Variants in MGLL observed in about 807,000 individuals in gnomAD.
MGLL encodes monoglyceride lipase, also known as lysophospholipase homolog.
A neutral mutation model predicts 29.1 loss-of-function variants in MGLL; 7 were observed. The ratio of observed to expected loss-of-function variants is 0.24; its 90% CI spans 0.14 to 0.45. MGLL has a LOEUF of 0.45. Among genes scored for constraint, MGLL ranks in the 20% least tolerant of loss-of-function variants. The pLI is 0.99. For missense variants in MGLL, 356 were observed against 413.6 expected (o/e 0.86, Z 1.21); for synonymous variants, 148 against 168.3 (o/e 0.88, Z 0.93).
chr3:127,694,648 G>A (rs1452321423), intron 7 of MGLL, among the ~76,000 whole-genome samples: 7 of 152,208 alleles, frequency 4.6e-5, no homozygotes, highest in Non-Finnish European at 8.8e-5. Context: ...ACGTGTCCTT[G>A]GAGCTTGGAC....
chr3:127,787,051 T>G (rs546724637), intron 2 of MGLL, among the ~76,000 whole-genome samples: 1 of 152,332 alleles, frequency 6.6e-6, no homozygotes, highest in South Asian at 2.1e-4. Context: ...TGTGTGCAAG[T>G]GCACTGAGGC....
chr3:127,803,946 G>C (rs1416952911), intron 2 of MGLL, among the ~76,000 whole-genome samples: 1 of 152,154 alleles, frequency 6.6e-6, no homozygotes, highest in Non-Finnish European at 1.5e-5. Flanking sequence ...CCAGTGCAGA[G>C]CTGCAATACA....
intron 2 of MGLL, among the ~76,000 whole-genome samples, chr3:127,785,159 G>A (rs1245103841): frequency 6.6e-6 from 1 of 152,022 alleles, no homozygotes; most frequent in Non-Finnish European, 1.5e-5. Flanking sequence ...CTCACCCCCT[G>A]TGAGCACACC....
chr3:127,817,139 AG>A (rs775659503), intron 2 of MGLL, among the ~76,000 whole-genome samples: 15 of 152,264 alleles, frequency 9.9e-5, no homozygotes, highest in Non-Finnish European at 1.6e-4. Flanking sequence ...CTAGAAGGCA[AG>A]GCCAGTAAGG....
chr3:127,749,738 CGAG>C (rs1289020053), intron 3 of MGLL, among the ~76,000 whole-genome samples: 4 of 152,108 alleles, frequency 2.6e-5, no homozygotes, highest in Non-Finnish European at 5.9e-5. Context: ...AAATCTAAAG[CGAG>C]TCTGACCACT....
At chr3:127,780,863 T>C (rs2077112552) in intron 3 of MGLL, among the ~76,000 whole-genome samples, 1 of 152,246 alleles carries the variant, frequency 6.6e-6, no homozygotes, top group Non-Finnish European at 1.5e-5. Context: ...AATTTTACAT[T>C]GAAGCTGTGG....
intron 2 of MGLL, among the ~76,000 whole-genome samples, chr3:127,785,143 C>T (rs1185267518): frequency 6.6e-6 from 1 of 152,164 alleles, no homozygotes; most frequent in Non-Finnish European, 1.5e-5. Flanking sequence ...TTTCCAGGTG[C>T]TTCACCTCAC....
intron 2 of MGLL, among the ~76,000 whole-genome samples, chr3:127,820,038 T>C (rs1302753407): frequency 6.6e-6 from 1 of 152,214 alleles, no homozygotes; most frequent in Non-Finnish European, 1.5e-5. Context: ...TACATGCTCA[T>C]GGTTCTGTTG....
Position 127,761,225 on chromosome 3 carries a change from G to C in MGLL, c.262+20564C>G, listed in dbSNP as rs1357081370. Among the ~76,000 whole-genome samples, 1 of 152,242 alleles carries C rather than the reference G, an allele frequency of 6.6e-6. No homozygotes were observed. The highest frequency in any genetic ancestry group is 1.9e-4 in the East Asian group (1 of 5,198). On this transcript the variant is annotated intron_variant, in intron 3 of 7. Coordinates refer to ENST00000265052, the MANE Select transcript of MGLL (RefSeq NM_007283.7). This position sits in a 1 kb window ranked among gnomAD's most constrained non-coding sequence, Gnocchi z 4.6. ...CCATCCGGACCCTTCGCACTATCAA[G>C]GGGCCCACCGCCTGGGAGGGATTTC...
intron 3 of MGLL, among the ~76,000 whole-genome samples, chr3:127,762,143 C>T (rs1475429819): frequency 1.3e-5 from 2 of 152,220 alleles, no homozygotes; most frequent in African/African-American, 4.8e-5. Flanking sequence ...ACAGTGCAGT[C>T]GTGGTTTATT....
chr3:127,784,345 A>T (rs978724544), intron 2 of MGLL, among the ~76,000 whole-genome samples: 3 of 152,212 alleles, frequency 2.0e-5, no homozygotes, highest in African/African-American at 7.2e-5. Context: ...TGTACAGCCA[A>T]GGTGGAGAAG....
rs535816995 is a variant in MGLL, at chr3:127,701,728, C to T, written c.601-6538G>A. 5.3e-5 allele frequency among the ~76,000 whole-genome samples: 8 copies of T among 152,298 alleles called. No homozygotes were observed. The South Asian group carries it at 1.0e-3, about 20-fold the overall frequency. The stretch of plus-strand genomic sequence containing the variant: ...CTGCCCTTCCTGCAGGCAGCCTTCC[C>T]CGGTCCCGTGTGTGTCATCCCCAGA... On this transcript the variant is annotated intron_variant, in intron 6 of 7. Coordinates refer to ENST00000265052, the MANE Select transcript of MGLL (RefSeq NM_007283.7).
At chr3:127,740,454 T>C (rs2076319359) in intron 3 of MGLL, among the ~76,000 whole-genome samples, 1 of 152,224 alleles carries the variant, frequency 6.6e-6, no homozygotes, top group Non-Finnish European at 1.5e-5. Context: ...TTAAAAAGTC[T>C]GAGTGGACTT....
chr3:127,822,094 T>TA, intron 1 of MGLL: 1 of 670,180 alleles, frequency 1.5e-6, no homozygotes, highest in Non-Finnish European at 2.5e-6. Context: ...CCATCTGTGT[T>TA]TATTTTAAAT....
intron 3 of MGLL, among the ~76,000 whole-genome samples, chr3:127,737,610 A>T (rs966495285): frequency 1.4e-5 from 2 of 143,310 alleles, no homozygotes; most frequent in African/African-American, 5.3e-5. Context: ...TCCAGGACAC[A>T]GTGAAATCAT....
chr3:127,725,023 C>T (rs1266161764), intron 3 of MGLL, among the ~76,000 whole-genome samples: 3 of 152,074 alleles, frequency 2.0e-5, no homozygotes, highest in Non-Finnish European at 4.4e-5. Context: ...CCAAGCTGCC[C>T]TCTTCCCCTC....
intron 2 of MGLL, among the ~76,000 whole-genome samples, chr3:127,812,978 C>T (rs1349995669): frequency 6.6e-6 from 1 of 152,036 alleles, no homozygotes; most frequent in Non-Finnish European, 1.5e-5. Flanking sequence ...TCAAGATTGA[C>T]GGAAGAGGAT....
intron 3 of MGLL, among the ~76,000 whole-genome samples, chr3:127,780,743 C>G (rs775868365): frequency 3.2e-4 from 48 of 152,350 alleles, no homozygotes; most frequent in Admixed American, 7.8e-4. Context: ...ACTTCCAGGC[C>G]TCTGTCATTG....
chr3:127,714,645 C>T (rs1231174164), intron 5 of MGLL, among the ~76,000 whole-genome samples: 1 of 152,182 alleles, frequency 6.6e-6, no homozygotes, highest in African/African-American at 2.4e-5. Context: ...TGTCCTGGCA[C>T]TAAATCCCGA....
Sources: gnomAD v4.1 joint callset for allele counts (sites outside exome capture counted in the v4.1 genomes callset) on GRCh38, gnomAD v4.1.1 for gene constraint, Gnocchi (gnomAD v3.1) non-coding constraint, MANE v1.5 for transcripts, NCBI Gene and HGNC (gene_info 2026-07-23, HGNC 2026-07-21) for gene names.